Variants in POLR1C observed in about 807,000 individuals in gnomAD.
POLR1C encodes RNA polymerase I and III subunit C.
In POLR1C, 42 loss-of-function variants were observed where a neutral mutation model predicts 38.3. That is an observed-to-expected ratio of 1.10 (90% CI 0.86 to 1.42). The LOEUF is 1.42. Ranked by LOEUF, POLR1C falls within the 40% of genes most tolerant of loss-of-function variation. POLR1C has a pLI of 0.00. For missense variants in POLR1C, 507 were observed against 450.5 expected, an observed-to-expected ratio of 1.13 and a Z score of -1.14; for synonymous variants, 163 against 163.9, an observed-to-expected ratio of 0.99 and a Z score of 0.04.
chr6:43,551,256 GA>G, intron 10 of POLR1C: 1 of 1,522,352 alleles, frequency 6.6e-7, no homozygotes, highest in Non-Finnish European at 8.8e-7. Context: ...AATTAACTTA[GA>G]AATGTCAAAA....
chr6:43,536,006 C>G (rs1442945765), intron 9 of POLR1C, among the ~76,000 whole-genome samples: 1 of 149,010 alleles, frequency 6.7e-6, no homozygotes, highest in Non-Finnish European at 1.5e-5. Context: ...GCCTGTAATC[C>G]CAGCTTCTCC....
At chr6:43,547,559 T>G in intron 9 of POLR1C, 1 of 1,559,204 alleles carries the variant, frequency 6.4e-7, no homozygotes, top group Non-Finnish European at 8.8e-7. Context: ...GACAACACCC[T>G]ACTCCTACCC....
At chr6:43,549,904 C>A in intron 9 of POLR1C, 1 of 1,611,444 alleles carries the variant, frequency 6.2e-7, no homozygotes, top group South Asian at 1.1e-5. Flanking sequence ...TTACTTTCTT[C>A]AACAGTTTCA....
Position 43,520,115 on chromosome 6 carries a change from C to T in POLR1C, c.432C>T (p.Val144=), listed in dbSNP as rs766490023. ...ATACTCTACAGTTTCGTCTCCAGGT[C>T]AGATGCACTCGGAACCCCCATGCTG... ...EIDTLQFRLQ[V]RCTRNPHAAK... The change falls in exon 5 of 9, where the codon GTC becomes GTT. Residue 144 remains valine (V), a synonymous_variant. Transcript: ENST00000642195. 1.2e-6 allele frequency: 2 copies of T among 1,614,196 alleles called. No homozygotes were observed. Among genetic ancestry groups the T allele is most frequent in the Admixed American group, 1.7e-5 (1 of 60,034 alleles).
chr6:43,546,281 G>A (rs1484348888), intron 9 of POLR1C, among the ~76,000 whole-genome samples: 1 of 151,962 alleles, frequency 6.6e-6, no homozygotes, highest in Non-Finnish European at 1.5e-5. Flanking sequence ...AAACTTACAA[G>A]TAAAAATAGG....
chr6:43,534,074 G>C, downstream of POLR1C: 1 of 1,242,908 alleles, frequency 8.0e-7, no homozygotes, highest in South Asian at 1.2e-5. Flanking sequence ...GGTTTTGCTT[G>C]TAATCCAGTG....
At position 43,521,462 on chromosome 6, in the gene POLR1C, T is replaced by C. The variant is rs1270258493; in HGVS notation, c.*162T>C. ...TTAAATGTGCCATAAAATGAGACTT[T>C]TTACGCCTTTATAAGGCCTTAGATG... On this transcript the variant is annotated 3_prime_UTR_variant, in exon 9 of 9. Transcript: ENST00000642195. 1.4e-6 allele frequency: 2 copies of C among 1,472,092 alleles called. No individual in the cohort carries two copies. Among genetic ancestry groups the C allele is most frequent in the African/African-American group, 1.4e-5 (1 of 70,930 alleles). The allele number at this position is 1,472,092 out of a possible 1,614,324, so 91.2% of individuals were successfully genotyped here. A position where few individuals can be genotyped will look rare whatever the true frequency, so the allele number is the denominator to read the frequency against.
At chr6:43,523,945 T>C, downstream of POLR1C, 3 of 1,614,040 alleles carry the variant, frequency 1.9e-6, no homozygotes, top group Non-Finnish European at 2.5e-6. Context: ...TTTGTTTTTT[T>C]GAAAAGTGAG....
At chr6:43,536,758 TAAAAAAAAAA>T (rs1156884252) in intron 9 of POLR1C, among the ~76,000 whole-genome samples, 6 of 19,082 alleles carry the variant, frequency 3.1e-4, no homozygotes, top group African/African-American at 1.2e-3. Flanking sequence ...AGACTCTATC[TAAAAAAAAAA>T]AAAAAAAAAA....
chr6:43,519,471 T>C (rs374982776), intron 3 of POLR1C, 31 bp downstream of exon 3: 242 of 1,529,840 alleles, frequency 1.6e-4, no homozygotes, highest in Non-Finnish European at 2.1e-4. Flanking sequence ...AAGGCTGGAG[T>C]TGCTTTGGGA....
intron 9 of POLR1C, among the ~76,000 whole-genome samples, chr6:43,534,946 G>C (rs1343015608): frequency 6.6e-6 from 1 of 152,084 alleles, no homozygotes; most frequent in African/African-American, 2.4e-5. Context: ...GGTGAGCCGA[G>C]ATCATACCAC....
intron 9 of POLR1C, among the ~76,000 whole-genome samples, chr6:43,543,000 A>C (rs527681062): frequency 6.6e-6 from 1 of 152,340 alleles, no homozygotes; most frequent in East Asian, 1.9e-4. Context: ...GCATATTCAC[A>C]CAATGAAGTA....
intron 9 of POLR1C, chr6:43,538,886 A>G (rs202071061): frequency 2.2e-4 from 281 of 1,286,086 alleles, no homozygotes; most frequent in Non-Finnish European, 2.8e-4. Context: ...GGTCTTGACG[A>G]GGTGGTCAGT....
downstream of POLR1C, chr6:43,524,764 C>G (rs1458523566): frequency 6.3e-7 from 1 of 1,599,798 alleles, no homozygotes; most frequent in African/African-American, 1.3e-5. Flanking sequence ...GGATAAGGCC[C>G]AAGAGACTAG....
chr6:43,519,262 T>A (rs1793011815), intron 2 of POLR1C, 71 bp from the exon 3 acceptor site: 1 of 911,940 alleles, frequency 1.1e-6, no homozygotes, highest in Non-Finnish European at 1.8e-6. Context: ...GGGAATTATC[T>A]AAGGGGGAGG....
chr6:43,526,550 A>G (rs1375752013), intron 8 of POLR1C: 8 of 958,574 alleles, frequency 8.3e-6, no homozygotes, highest in Non-Finnish European at 1.3e-5. Context: ...ACACAGCAAG[A>G]GGGCTGGTCC....
At chr6:43,542,065 G>T (rs932758427) in intron 9 of POLR1C, among the ~76,000 whole-genome samples, 1 of 152,138 alleles carries the variant, frequency 6.6e-6, no homozygotes, top group East Asian at 1.9e-4. Flanking sequence ...TTACATGCAT[G>T]AGCCACCGCA....
At chr6:43,548,129 G>T in intron 9 of POLR1C, 1 of 933,980 alleles carries the variant, frequency 1.1e-6, no homozygotes, top group Non-Finnish European at 1.6e-6. Context: ...ACTGCTTTTA[G>T]AGAACTTCAG....
At chr6:43,547,532 T>A in intron 9 of POLR1C, 2 of 1,386,818 alleles carry the variant, frequency 1.4e-6, no homozygotes, top group Admixed American at 1.8e-5. Context: ...AACAAATCTA[T>A]GAGAAACTTG....
Sources: gnomAD v4.1 joint callset for allele counts (sites outside exome capture counted in the v4.1 genomes callset) on GRCh38, gnomAD v4.1.1 for gene constraint, MANE v1.5 for transcripts, NCBI Gene and HGNC (gene_info 2026-07-23, HGNC 2026-07-21) for gene names.